The following PDZRN3 variants were observed in gnomAD, a reference collection of about 807,000 sequenced individuals.
PDZRN3 encodes PDZ domain containing ring finger 3.
In PDZRN3, 38 loss-of-function variants were observed where a neutral mutation model predicts 85.7. The observed-to-expected ratio is 0.44, with a 90% CI of 0.34 to 0.58. PDZRN3 has a LOEUF of 0.58. PDZRN3 is among the 20% of genes least tolerant of loss of function. PDZRN3 has a pLI of 0.01. For missense variants in PDZRN3, 1,629 were observed against 1,506.4 expected, an observed-to-expected ratio of 1.08 and a Z score of -1.35; for synonymous variants, 759 against 638.0, an observed-to-expected ratio of 1.19 and a Z score of -2.86.
chr3:73,544,720 G>A (rs1399157024), intron 3 of PDZRN3, among the ~76,000 whole-genome samples: 1 of 151,396 alleles, frequency 6.6e-6, no homozygotes, highest in African/African-American at 2.4e-5. Context: ...AAAAGACTGA[G>A]CTGATGAGAT....
chr3:73,574,133 T>C, intron 3 of PDZRN3, among the ~76,000 whole-genome samples: 1 of 152,222 alleles, frequency 6.6e-6, no homozygotes, highest in East Asian at 1.9e-4. Context: ...TCAGGATTAA[T>C]GAGGGGGCTC....
chr3:73,512,920 T>C (rs563204037), intron 3 of PDZRN3, among the ~76,000 whole-genome samples: 1 of 152,364 alleles, frequency 6.6e-6, no homozygotes, highest in Admixed American at 6.5e-5. Context: ...GTCCAGATTT[T>C]CTACCATACA....
intron 4 of PDZRN3, among the ~76,000 whole-genome samples, chr3:73,403,284 C>G (rs1056715880): frequency 1.2e-4 from 18 of 152,168 alleles, no homozygotes; most frequent in Non-Finnish European, 1.9e-4. Context: ...AACTGGACAC[C>G]TTGGGGGCCA....
intron 3 of PDZRN3, among the ~76,000 whole-genome samples, chr3:73,530,818 C>CA (rs1704635435): frequency 6.6e-6 from 1 of 152,142 alleles, no homozygotes; most frequent in African/African-American, 2.4e-5. Context: ...AATGGACCAG[C>CA]ATATTGACAA....
intron 3 of PDZRN3, among the ~76,000 whole-genome samples, chr3:73,455,501 C>T (rs1010774195): frequency 2.6e-5 from 4 of 152,178 alleles, no homozygotes; most frequent in African/African-American, 9.7e-5. Flanking sequence ...AAGGCATTGG[C>T]CATTATGTGC....
intron 5 of PDZRN3, among the ~76,000 whole-genome samples, chr3:73,397,026 TTCTTTTTCTTTC>T (rs1701651856): frequency 2.1e-5 from 3 of 146,328 alleles, no homozygotes; most frequent in Non-Finnish European, 4.5e-5. Context: ...TATTTCTTTC[TTCTTTTTCTTTC>T]TTTTTTTTTT....
At chr3:73,586,262 G>A (rs527271091) in intron 3 of PDZRN3, among the ~76,000 whole-genome samples, 15 of 152,218 alleles carry the variant, frequency 9.9e-5, no homozygotes, top group African/African-American at 2.6e-4. Context: ...ATTTTAACCC[G>A]CTGCTATTCC....
intron 1 of PDZRN3, among the ~76,000 whole-genome samples, chr3:73,622,260 G>A (rs1390922514): frequency 6.6e-6 from 1 of 152,202 alleles, no homozygotes; most frequent in Non-Finnish European, 1.5e-5. Context: ...GACTGCAGCT[G>A]ACAGACAGGC....
chr3:73,570,433 G>C (rs1702029305), intron 3 of PDZRN3, among the ~76,000 whole-genome samples: 1 of 152,146 alleles, frequency 6.6e-6, no homozygotes, highest in African/African-American at 2.4e-5. Context: ...TACACTTCTT[G>C]AATTGATTTT....
intron 3 of PDZRN3, among the ~76,000 whole-genome samples, chr3:73,551,631 G>A (rs1166548381): frequency 1.3e-5 from 2 of 148,390 alleles, no homozygotes; most frequent in Non-Finnish European, 3.0e-5. Context: ...CAAGGCTGCA[G>A]CGAACTGTGA....
intron 3 of PDZRN3, among the ~76,000 whole-genome samples, chr3:73,566,786 A>G (rs919660333): frequency 2.0e-5 from 3 of 152,176 alleles, no homozygotes; most frequent in Non-Finnish European, 4.4e-5. Context: ...TCACACCTAT[A>G]AAGACAAGAA....
chr3:73,469,706 GT>G (rs1010921429), intron 3 of PDZRN3, among the ~76,000 whole-genome samples: 27 of 151,172 alleles, frequency 1.8e-4, no homozygotes, highest in Non-Finnish European at 3.1e-4. Flanking sequence ...AGCTGATGGG[GT>G]TTTTTTTTCA....
In PDZRN3 at chr3:73,383,439, G is replaced by C; in HGVS notation, c.3127C>G (p.Leu1043Val). Residue 1043 changes from leucine (L) to valine (V), a missense_variant, in exon 10 of 10, where the codon CTC becomes GTC. Coordinates refer to ENST00000263666, the MANE Select transcript of PDZRN3 (RefSeq NM_015009.3). ...IFDNWMTIQE[L>V]LTHGTKSPDG... ...GGGGATTTTGTGCCGTGGGTTAAGA[G>C]TTCTTGGATCGTCATCCAGTTATCG... 6.2e-7 allele frequency: 1 copy of C among 1,614,096 alleles called. No individual in the cohort carries two copies. The highest frequency in any genetic ancestry group is 8.5e-7 in the Non-Finnish European group (1 of 1,179,988).
At chr3:73,530,219 CA>C (rs376574501) in intron 3 of PDZRN3, among the ~76,000 whole-genome samples, 2 of 152,304 alleles carry the variant, frequency 1.3e-5, no homozygotes, top group Non-Finnish European at 2.9e-5. Context: ...AATGCTGGAA[CA>C]ATGACCACAA....
At chr3:73,476,951 G>A (rs565332492) in intron 3 of PDZRN3, among the ~76,000 whole-genome samples, 85 of 152,198 alleles carry the variant, frequency 5.6e-4, no homozygotes, top group African/African-American at 2.0e-3. Context: ...TGAGACAATC[G>A]GTTTTTTTTA....
At chr3:73,586,167 C>T (rs1361319226) in intron 3 of PDZRN3, among the ~76,000 whole-genome samples, 1 of 152,084 alleles carries the variant, frequency 6.6e-6, no homozygotes, top group Admixed American at 6.5e-5. Context: ...TCACGATTTC[C>T]CTCTGGCAAC....
chr3:73,402,941 C>CTTTTTTTTTTTTTTTTTTTTTTT (rs140037400), intron 4 of PDZRN3, among the ~76,000 whole-genome samples: 2 of 115,652 alleles, frequency 1.7e-5, no homozygotes, highest in African/African-American at 7.5e-5. Context: ...ACATGAAAAG[C>CTTTTTTTTTTTTTTTTTTTTTTT]TTTTTTTTTT....
At chr3:73,529,007 C>G (rs1704591873) in intron 3 of PDZRN3, among the ~76,000 whole-genome samples, 1 of 151,880 alleles carries the variant, frequency 6.6e-6, no homozygotes. Flanking sequence ...ACCCTGTTTT[C>G]CAAAATCACT....
At chr3:73,501,785 C>T (rs1047366182) in intron 3 of PDZRN3, among the ~76,000 whole-genome samples, 5 of 152,212 alleles carry the variant, frequency 3.3e-5, no homozygotes, top group East Asian at 1.9e-4. Flanking sequence ...GAGGCTGAGG[C>T]GGGCAGATCA....
Sources: allele counts gnomAD v4.1 joint callset (sites outside exome capture counted in the v4.1 genomes callset), GRCh38; gene constraint gnomAD v4.1.1; transcripts MANE v1.5; gene names NCBI Gene and HGNC (gene_info 2026-07-23, HGNC 2026-07-21).